The following DGKH variants were observed in gnomAD, a reference collection of about 807,000 sequenced individuals.
DGKH encodes the protein DAG kinase eta.
DGKH carries 90 observed loss-of-function variants against 159.3 expected under a neutral mutation model. The observed-to-expected ratio is 0.57, with a 90% CI of 0.48 to 0.67. The LOEUF (loss-of-function observed/expected upper bound fraction) is 0.67. Ranked by LOEUF, DGKH falls within the 30% of genes least tolerant of loss-of-function variation. The pLI is 0.00. For synonymous variants in DGKH, 536 were observed against 553.8 expected (o/e 0.97, Z 0.45); for missense variants, 1,181 against 1,506.1 (o/e 0.78, Z 3.57).
At chr13:42,214,027 T>TAGTA (rs1195864130) in intron 24 of DGKH, among the ~76,000 whole-genome samples, 1 of 152,200 alleles carries the variant, frequency 6.6e-6, no homozygotes, top group Non-Finnish European at 1.5e-5. Flanking sequence ...AATATGGAGA[T>TAGTA]AGTAAATCAT....
At chr13:42,184,554 G>A (rs1217424587) in intron 13 of DGKH, among the ~76,000 whole-genome samples, 1 of 152,106 alleles carries the variant, frequency 6.6e-6, no homozygotes, top group East Asian at 1.9e-4. Context: ...GAAATAAAAT[G>A]TTGGAAATGC....
Position 42,208,964 on chromosome 13 carries a change from T to A in DGKH, c.2607T>A (p.Phe869Leu). The part of the protein sequence containing the change: ...FWGGTKEDDI[F>L]AAPSFDDKIL... Reference sequence around the variant, plus strand: ...TAATGTAGTTTTTCTTTCAGATATTTGCTGCACCATCCTTTGATGACAAGA... The same window carrying A: ...TAATGTAGTTTTTCTTTCAGATATTAGCTGCACCATCCTTTGATGACAAGA... Residue 869 changes from phenylalanine to leucine, a missense_variant, in exon 22 of 30, where the codon TTT (phenylalanine) becomes TTA (leucine). This residue lies in a region of DGKH where 335 missense variants were observed against 495.2 expected (regional missense o/e 0.68). Transcript: ENST00000337343. The A allele has an allele frequency of 6.2e-7, 1 of 1,610,618 alleles. No individual in the cohort carries two copies. Among genetic ancestry groups the A allele is most frequent in the Non-Finnish European group, 8.5e-7 (1 of 1,178,358 alleles).
chr13:42,131,755 G>A (rs1389285603), intron 3 of DGKH, among the ~76,000 whole-genome samples: 2 of 152,186 alleles, frequency 1.3e-5, no homozygotes, highest in Non-Finnish European at 2.9e-5. Flanking sequence ...GTGGTTTATA[G>A]GGCATATTGG....
chr13:42,086,578 A>G (rs757820914), intron 1 of DGKH, among the ~76,000 whole-genome samples: 3 of 152,238 alleles, frequency 2.0e-5, no homozygotes, highest in Non-Finnish European at 4.4e-5. Flanking sequence ...TTTTATACAA[A>G]TGGATTTTTA....
At chr13:42,042,506 G>T (rs1880574188) in intron 1 of DGKH, among the ~76,000 whole-genome samples, 1 of 152,124 alleles carries the variant, frequency 6.6e-6, no homozygotes, top group Non-Finnish European at 1.5e-5. Context: ...TGTGTGAATG[G>T]ACTACAATAC....
intron 29 of DGKH, among the ~76,000 whole-genome samples, chr13:42,249,734 C>T (rs774849985): frequency 1.3e-5 from 2 of 152,206 alleles, no homozygotes; most frequent in Non-Finnish European, 2.9e-5. Flanking sequence ...TTTAAAACCA[C>T]AGAGCTAGTT....
chr13:42,094,028 A>C (rs1344390059), intron 1 of DGKH, among the ~76,000 whole-genome samples: 1 of 149,340 alleles, frequency 6.7e-6, no homozygotes. Context: ...AATAAAAAAA[A>C]CTTGCAGAAA....
At chr13:42,167,765 A>G (rs1956346708) in intron 9 of DGKH, among the ~76,000 whole-genome samples, 1 of 151,992 alleles carries the variant, frequency 6.6e-6, no homozygotes, top group South Asian at 2.1e-4. Context: ...TTATAGTTCC[A>G]TTATCTTATA....
chr13:42,222,983 T>A (rs2138257241), intron 29 of DGKH, among the ~76,000 whole-genome samples: 1 of 152,266 alleles, frequency 6.6e-6, no homozygotes, highest in South Asian at 2.1e-4. Context: ...TCTTTTTGCT[T>A]TTCATGGGAC....
chr13:42,219,719 A>G lies in DGKH; in HGVS notation c.3367A>G (p.Arg1123Gly). 6.2e-7 allele frequency: 1 copy of G among 1,613,900 alleles called. No homozygotes were observed. Among genetic ancestry groups the G allele is most frequent in the South Asian group, 1.1e-5 (1 of 91,070 alleles). The change falls in exon 28 of 30, where the codon AGA (arginine) becomes GGA (glycine). Residue 1123 changes from arginine to glycine, a missense_variant. Arg to Gly is a moderately radical substitution (Grantham distance 125). This residue lies in a region of DGKH where 335 missense variants were observed against 495.2 expected (regional missense o/e 0.68). Coordinates refer to ENST00000337343, the MANE Select transcript of DGKH (RefSeq NM_178009.5). ...TATGGATTGCACCAAAAGGAACAACAGAAGCACCGTATTTCGAATAGTGCC... is the reference window on the plus strand; with the variant it reads ...TATGGATTGCACCAAAAGGAACAACGGAAGCACCGTATTTCGAATAGTGCC... ...PPMDCTKRNN[R>G]STVFRIVPKF...
intron 1 of DGKH, among the ~76,000 whole-genome samples, chr13:42,071,511 G>A (rs1882966623): frequency 6.6e-6 from 1 of 152,242 alleles, no homozygotes; most frequent in African/African-American, 2.4e-5. Context: ...TCACAGTGCA[G>A]ATACATTCAG....
intron 15 of DGKH, 29 bp downstream of exon 15, chr13:42,189,338 G>T (rs1957008661): frequency 1.5e-5 from 24 of 1,610,752 alleles, no homozygotes; most frequent in Non-Finnish European, 2.0e-5. Flanking sequence ...AGCTTTGGAA[G>T]AAGTTGGCAG....
At position 42,190,614 on chromosome 13, in the gene DGKH, C is replaced by T. The variant is rs545016687; in HGVS notation, c.2035+89C>T. ...AAAAGGCTGATCAGTTTGAAAAAAA[C>T]TATTTGTATTTTTATTTTTGAAAAG... On this transcript the variant is annotated intron_variant, in intron 16 of 29. Transcript: ENST00000337343. 11 of 1,237,682 alleles carry T rather than the reference C, an allele frequency of 8.9e-6. No homozygotes were observed. The East Asian group carries it at 3.3e-4, about 37-fold the overall frequency. The allele number at this position is 1,237,682 out of a possible 1,614,324, so 76.7% of individuals were successfully genotyped here.
At chr13:42,105,236 A>C (rs1954725672) in intron 1 of DGKH, among the ~76,000 whole-genome samples, 1 of 152,098 alleles carries the variant, frequency 6.6e-6, no homozygotes, top group South Asian at 2.1e-4. Context: ...TGAAGGCAGA[A>C]GGGCAAGAGA....
chr13:42,101,095 A>C (rs1262331617), intron 1 of DGKH, among the ~76,000 whole-genome samples: 2 of 152,122 alleles, frequency 1.3e-5, no homozygotes, highest in Non-Finnish European at 2.9e-5. Flanking sequence ...CTCTGCCTTT[A>C]TCCTCTGCTC....
At chr13:42,199,394 CAT>C (rs1957292388) in intron 18 of DGKH, among the ~76,000 whole-genome samples, 170 bp from the exon 19 acceptor site, 1 of 152,188 alleles carries the variant, frequency 6.6e-6, no homozygotes, top group African/African-American at 2.4e-5. Flanking sequence ...AAATTGTACA[CAT>C]GTCCTGTGGT....
At chr13:42,256,042 T>C in intron 30 of DGKH, 1 of 1,471,014 alleles carries the variant, frequency 6.8e-7, no homozygotes. Flanking sequence ...TTCTGGGTTC[T>C]GGCCCTTGGT....
At chr13:42,179,016 T>G (rs1370536445) in intron 13 of DGKH, among the ~76,000 whole-genome samples, 1 of 152,206 alleles carries the variant, frequency 6.6e-6, no homozygotes, top group Non-Finnish European at 1.5e-5. Context: ...CACAGTAAAG[T>G]TGAGGAAAGA....
chr13:42,159,922 C>T, intron 6 of DGKH, 89 bp from the exon 7 acceptor site: 1 of 1,591,408 alleles, frequency 6.3e-7, no homozygotes, highest in Non-Finnish European at 8.6e-7. Flanking sequence ...TACTGACCCT[C>T]TAGAGTGAGA....
Sources: gnomAD v4.1 joint callset for allele counts (sites outside exome capture counted in the v4.1 genomes callset) on GRCh38, gnomAD v4.1.1 for gene constraint, gnomAD v4.1.1 regional missense constraint, MANE v1.5 for transcripts, NCBI Gene and HGNC (gene_info 2026-07-23, HGNC 2026-07-21) for gene names.